ADAMTS18: variants seen among roughly 807,000 people sequenced by gnomAD.
The protein encoded by ADAMTS18 is ADAM metallopeptidase with thrombospondin type 1 motif 18, also known as A disintegrin and metalloproteinase with thrombospondin motifs 18.
In ADAMTS18, 157 loss-of-function variants were observed where a neutral mutation model predicts 165.9. That is an observed-to-expected ratio of 0.95 (90% CI 0.83 to 1.08). ADAMTS18 has a LOEUF of 1.08. Ranked by LOEUF, ADAMTS18 falls within the 50% of genes least tolerant of loss-of-function variation. The pLI is 0.00. For missense variants in ADAMTS18, 2,040 were observed against 1,534.0 expected, an observed-to-expected ratio of 1.33 and a Z score of -5.51; for synonymous variants, 782 against 578.2, an observed-to-expected ratio of 1.35 and a Z score of -5.06.
Position 77,321,089 on chromosome 16 carries a change from A to C in ADAMTS18, c.2277T>G (p.His759Gln), listed in dbSNP as rs755718561. 1.2e-6 allele frequency: 2 copies of C among 1,614,208 alleles called. No homozygotes were observed. Among genetic ancestry groups the C allele is most frequent in the East Asian group, 2.2e-5 (1 of 44,870 alleles). The change falls in exon 15 of 23, where the codon CAT becomes CAG. Residue 759 changes from histidine (H) to glutamine (Q), a missense_variant. His to Gln is a conservative substitution (Grantham distance 24). Transcript: ENST00000282849. ...KFYKGLYLNQ[H>Q]KANEYYPVVL... ...AGCAGCATCTCTCACCATTTGCTTT[A>C]TGCTGGTTGAGGTACAGGCCTTTAT...
chr16:77,383,225 T>C lies in ADAMTS18; in HGVS notation c.496-15502A>G, dbSNP rs867448546. Among the ~76,000 whole-genome samples the C allele has an allele frequency of 1.6e-4, 24 of 152,262 alleles. 2 individuals carry two copies. In the Middle Eastern group the frequency reaches 0.034, roughly 216 times the overall value. On this transcript the variant is annotated intron_variant, in intron 3 of 22. Transcript: ENST00000282849. ...TCTCCCTTGCTCCAGAGTTGTTTTT[T>C]CCAAAGCATCGCTTTTAACGGGTCA...
At chr16:77,404,240 C>A (rs1469407368) in intron 3 of ADAMTS18, among the ~76,000 whole-genome samples, 3 of 152,098 alleles carry the variant, frequency 2.0e-5, no homozygotes, top group South Asian at 4.1e-4. Flanking sequence ...TCTGCTAAAA[C>A]AATTATCAAA....
intron 3 of ADAMTS18, among the ~76,000 whole-genome samples, chr16:77,402,105 AC>A: frequency 6.6e-6 from 1 of 152,310 alleles, no homozygotes; most frequent in Middle Eastern, 3.4e-3. Context: ...CTAGCTACCT[AC>A]CTACCTAATT....
chr16:77,303,151 C>A (rs1036664150), intron 16 of ADAMTS18, among the ~76,000 whole-genome samples: 7 of 152,298 alleles, frequency 4.6e-5, no homozygotes, highest in Admixed American at 4.6e-4. Flanking sequence ...GATTCCATCT[C>A]CCCTCATCTC....
intron 10 of ADAMTS18, among the ~76,000 whole-genome samples, chr16:77,349,688 T>C (rs542062911): frequency 1.1e-3 from 169 of 152,260 alleles, no homozygotes; most frequent in African/African-American, 3.9e-3. Context: ...GGAAAAGGCA[T>C]AGACCTGTCT....
chr16:77,407,170 T>C (rs1343960842), intron 3 of ADAMTS18, among the ~76,000 whole-genome samples: 3 of 152,094 alleles, frequency 2.0e-5, no homozygotes, highest in Non-Finnish European at 4.4e-5. Context: ...AGAGTCTATA[T>C]ACAAAAATCA....
chr16:77,345,028 C>A (rs965886424), intron 10 of ADAMTS18, among the ~76,000 whole-genome samples: 38 of 152,088 alleles, frequency 2.5e-4, no homozygotes, highest in African/African-American at 8.7e-4. Flanking sequence ...AAAGAAATAA[C>A]CACAGAGACT....
At chr16:77,378,315 CT>C (rs1411244533) in intron 3 of ADAMTS18, among the ~76,000 whole-genome samples, 10 of 146,362 alleles carry the variant, frequency 6.8e-5, no homozygotes, top group Non-Finnish European at 1.0e-4. Flanking sequence ...AGAGTGAGGC[CT>C]TGTCTCAAAA....
At chr16:77,349,771 T>C (rs1037948050) in intron 10 of ADAMTS18, among the ~76,000 whole-genome samples, 1 of 152,178 alleles carries the variant, frequency 6.6e-6, no homozygotes, top group Non-Finnish European at 1.5e-5. Context: ...TTTTTCTTGA[T>C]TGACAGAAGA....
chr16:77,303,344 C>T (rs2055621443), intron 16 of ADAMTS18, among the ~76,000 whole-genome samples: 1 of 152,204 alleles, frequency 6.6e-6, no homozygotes, highest in African/African-American at 2.4e-5. Context: ...ACTACATTGT[C>T]TACTTGGCAT....
intron 3 of ADAMTS18, among the ~76,000 whole-genome samples, chr16:77,390,196 T>A (rs1243914562): frequency 6.6e-6 from 1 of 151,958 alleles, no homozygotes; most frequent in African/African-American, 2.4e-5. Flanking sequence ...CTGCAAGAAA[T>A]AACGGCAGTG....
At chr16:77,399,431 TAAAAG>T (rs1409064386) in intron 3 of ADAMTS18, among the ~76,000 whole-genome samples, 5 of 152,162 alleles carry the variant, frequency 3.3e-5, no homozygotes, top group Non-Finnish European at 5.9e-5. Flanking sequence ...ATTTATCTCT[TAAAAG>T]AAAGCCTCAG....
intron 7 of ADAMTS18, among the ~76,000 whole-genome samples, chr16:77,360,169 C>T (rs1267177737): frequency 6.6e-6 from 1 of 152,094 alleles, no homozygotes; most frequent in Admixed American, 6.6e-5. Flanking sequence ...ATTGTCAAGA[C>T]GGAAGTGAGA....
chr16:77,335,832 A>C lies in ADAMTS18; in HGVS notation c.1783T>G (p.Trp595Gly), dbSNP rs765723290. Residue 595 changes from tryptophan to glycine, a missense_variant, in exon 12 of 23, where the codon TGG (tryptophan) becomes GGG (glycine). Trp to Gly is a radical substitution (Grantham distance 184). Coordinates refer to ENST00000282849, the MANE Select transcript of ADAMTS18 (RefSeq NM_199355.4). ...CGGGAACATTCTGACCACTTCGACC[A>C]GGCGGACCACTGGCCGTGGATGGGC... ...PRPIHGQWSA[W>G]SKWSECSRTC... is the part of the protein sequence containing the mutation. 1.2e-6 allele frequency: 2 copies of C among 1,614,218 alleles called. No homozygotes were observed. The highest frequency in any genetic ancestry group is 1.1e-5 in the South Asian group (1 of 91,088).
intron 3 of ADAMTS18, among the ~76,000 whole-genome samples, chr16:77,375,837 AC>A (rs1437699228): frequency 6.6e-6 from 1 of 151,400 alleles, no homozygotes; most frequent in African/African-American, 2.4e-5. Flanking sequence ...AACTTTCAAA[AC>A]TTCCAATCAT....
At chr16:77,290,365 G>A (rs1267799313) in intron 21 of ADAMTS18, among the ~76,000 whole-genome samples, 1 of 152,108 alleles carries the variant, frequency 6.6e-6, no homozygotes, top group Non-Finnish European at 1.5e-5. Context: ...AGGTATTGGG[G>A]GAGCAGATTT....
At chr16:77,301,280 A>G in intron 16 of ADAMTS18, among the ~76,000 whole-genome samples, 1 of 120,108 alleles carries the variant, frequency 8.3e-6, no homozygotes, top group South Asian at 2.5e-4. Flanking sequence ...TTTTCATTGA[A>G]AAAAAAAAAA....
chr16:77,431,567 A>G lies in ADAMTS18; in HGVS notation c.223T>C (p.Tyr75His). The G allele has an allele frequency of 1.2e-6, 2 of 1,614,166 alleles. No homozygotes were observed. The highest frequency in any genetic ancestry group is 1.7e-6 in the Non-Finnish European group (2 of 1,180,026). The part of the protein sequence containing the change: ...TPVEVDSAGS[Y>H]ISHDILHNGR... ...TTGTGCAAAATGTCGTGTGAAATATATGACCCGGCTGAGTCTACTTCTACT... is the reference window on the plus strand; with the variant it reads ...TTGTGCAAAATGTCGTGTGAAATATGTGACCCGGCTGAGTCTACTTCTACT... Residue 75 changes from tyrosine (Y) to histidine (H), a missense_variant, in exon 3 of 23, where the codon TAT becomes CAT. Coordinates refer to ENST00000282849, the MANE Select transcript of ADAMTS18 (RefSeq NM_199355.4).
chr16:77,368,637 CT>C (rs2056834044), intron 3 of ADAMTS18, among the ~76,000 whole-genome samples: 1 of 151,998 alleles, frequency 6.6e-6, no homozygotes, highest in Non-Finnish European at 1.5e-5. Context: ...TCTCAAACTC[CT>C]GGCTTCAAGT....
Sources: allele counts gnomAD v4.1 joint callset (sites outside exome capture counted in the v4.1 genomes callset), GRCh38; gene constraint gnomAD v4.1.1; transcripts MANE v1.5; gene names NCBI Gene and HGNC (gene_info 2026-07-23, HGNC 2026-07-21).